The following KCTD20 variants were observed in gnomAD, a reference collection of about 807,000 sequenced individuals.
KCTD20 encodes the protein potassium channel tetramerization domain containing 20, also known as BTB/POZ domain-containing protein KCTD20.
In KCTD20, 30 loss-of-function variants were observed where a neutral mutation model predicts 39.6. That is an observed-to-expected ratio of 0.76 (90% CI 0.57 to 1.03). KCTD20 has a LOEUF of 1.03. KCTD20 is among the 50% of genes least tolerant of loss of function. The pLI, the probability that KCTD20 is intolerant of heterozygous loss-of-function variation, is 0.00. For missense variants in KCTD20, 422 were observed against 522.0 expected (o/e 0.81, Z 1.87); for synonymous variants, 162 against 180.6 (o/e 0.90, Z 0.83).
chr6:36,462,993 G>A (rs1448317471), intron 1 of KCTD20, among the ~76,000 whole-genome samples: 1 of 152,190 alleles, frequency 6.6e-6, no homozygotes, highest in African/African-American at 2.4e-5. Context: ...CTTTACCCAA[G>A]GGAGTGTGTA....
chr6:36,466,617 A>G (rs1386962436), intron 1 of KCTD20, among the ~76,000 whole-genome samples: 1 of 152,000 alleles, frequency 6.6e-6, no homozygotes, highest in Non-Finnish European at 1.5e-5. Flanking sequence ...CTCAGGCTCA[A>G]GAGATCCTCC....
intron 5 of KCTD20, 68 bp downstream of exon 5, chr6:36,479,779 A>ATTTTTT (rs58609674): frequency 4.1e-5 from 11 of 268,374 alleles, no homozygotes; most frequent in South Asian, 1.3e-4. Context: ...GAAGTCACCG[A>ATTTTTT]TTTTTTTTTT....
chr6:36,479,593 T>A lies in KCTD20; in HGVS notation c.540T>A (p.Asp180Glu). 6.2e-7 allele frequency: 1 copy of A among 1,603,988 alleles called. No individual in the cohort carries two copies. Among genetic ancestry groups the A allele is most frequent in the Non-Finnish European group, 8.5e-7 (1 of 1,177,476 alleles). Residue 180 changes from aspartate (D) to glutamate (E), a missense_variant and splice_region_variant, in exon 5 of 8, where the codon GAT becomes GAA. By Grantham distance (45) the Asp-to-Glu change is conservative. Transcript: ENST00000373731. ...TTTTCTTCCTAATCTATTTACAGGATTATTACAAAACCGGTATCATCAATT... is the reference window on the plus strand; with the variant it reads ...TTTTCTTCCTAATCTATTTACAGGAATATTACAAAACCGGTATCATCAATT... ...ISATVFRTVLDYYKTGIINCP... is the reference protein window; with the variant it reads ...ISATVFRTVLEYYKTGIINCP...
intron 1 of KCTD20, among the ~76,000 whole-genome samples, chr6:36,467,722 G>A (rs577011248): frequency 5.7e-4 from 86 of 152,122 alleles, no homozygotes; most frequent in African/African-American, 1.7e-3. Flanking sequence ...GAGTTCCATA[G>A]TACGCTCTGA....
chr6:36,463,757 G>T (rs1294376674), intron 1 of KCTD20, among the ~76,000 whole-genome samples: 2 of 152,142 alleles, frequency 1.3e-5, no homozygotes, highest in African/African-American at 4.8e-5. Context: ...GGATTTCTCA[G>T]CCTCCAGAAC....
chr6:36,467,399 C>T (rs1241594693), intron 1 of KCTD20, among the ~76,000 whole-genome samples: 2 of 109,562 alleles, frequency 1.8e-5, no homozygotes, highest in African/African-American at 7.1e-5. Flanking sequence ...AGTGCAATGG[C>T]GCCATCTCTG....
intron 1 of KCTD20, among the ~76,000 whole-genome samples, chr6:36,464,616 C>G (rs1582330760): frequency 6.6e-6 from 1 of 152,122 alleles, no homozygotes; most frequent in East Asian, 1.9e-4. Context: ...TTCCCCTCCC[C>G]CAAACTTCAT....
chr6:36,444,047 C>T (rs951726722), intron 1 of KCTD20, among the ~76,000 whole-genome samples: 1 of 152,202 alleles, frequency 6.6e-6, no homozygotes, highest in African/African-American at 2.4e-5. Context: ...AGGCCCCCAC[C>T]TGAAACCCCA....
At chr6:36,475,437 A>G (rs1776035419) in intron 3 of KCTD20, among the ~76,000 whole-genome samples, 1 of 151,830 alleles carries the variant, frequency 6.6e-6, no homozygotes, top group Admixed American at 6.6e-5. Flanking sequence ...TGACAGAGCA[A>G]GACTCCCGTC....
In KCTD20 at chr6:36,479,730, G is replaced by A; in HGVS notation, c.658+19G>A. 8 of 1,587,714 alleles carry A rather than the reference G, an allele frequency of 5.0e-6. No individual in the cohort carries two copies. Among genetic ancestry groups the A allele is most frequent in the Non-Finnish European group, 6.8e-6 (8 of 1,171,588 alleles). ...GATCTGAGTAAGTACAGGAGCAGGTGCCAGCTGCACTTAAGCAGCTGAACT... is the reference window on the plus strand; with the variant it reads ...GATCTGAGTAAGTACAGGAGCAGGTACCAGCTGCACTTAAGCAGCTGAACT... On this transcript the variant is annotated intron_variant, in intron 5 of 7. Transcript: ENST00000373731.
intron 1 of KCTD20, among the ~76,000 whole-genome samples, chr6:36,458,969 A>G (rs1775521760): frequency 6.6e-6 from 1 of 151,846 alleles, no homozygotes; most frequent in Non-Finnish European, 1.5e-5. Flanking sequence ...TATACTGACC[A>G]CTATACTAAT....
At chr6:36,449,925 G>A (rs1028510423) in intron 1 of KCTD20, among the ~76,000 whole-genome samples, 1 of 152,152 alleles carries the variant, frequency 6.6e-6, no homozygotes, top group Non-Finnish European at 1.5e-5. Context: ...AGCACTTTGG[G>A]AGGCTGAGGC....
rs1776436487 is a variant in KCTD20, at chr6:36,486,834, A to G, written c.968-49A>G. On this transcript the variant is annotated intron_variant, in intron 7 of 7. Transcript: ENST00000373731. ...TTAGGAAGGAGAAAGTATGGACACC[A>G]GAGTGAGCACAATTTGTTAGTCATG... is the stretch of plus-strand genomic sequence containing the variant. The G allele has an allele frequency of 2.7e-6, 4 of 1,457,366 alleles. No individual in the cohort carries two copies. In the South Asian group the frequency reaches 4.9e-5, roughly 18 times the overall value. The allele number at this position is 1,457,366 out of a possible 1,614,324, so 90.3% of individuals were successfully genotyped here. A position where few individuals can be genotyped will look rare whatever the true frequency, so the allele number is the denominator to read the frequency against.
chr6:36,458,905 T>C (rs1478253041), intron 1 of KCTD20, among the ~76,000 whole-genome samples: 1 of 151,994 alleles, frequency 6.6e-6, no homozygotes, highest in Non-Finnish European at 1.5e-5. Context: ...CTTGGGAGGC[T>C]GAAGTGGGAG....
chr6:36,482,076 A>G (rs1391458575), intron 6 of KCTD20, among the ~76,000 whole-genome samples: 1 of 152,148 alleles, frequency 6.6e-6, no homozygotes. Context: ...AAAAAACATA[A>G]AAGGATATAC....
chr6:36,472,103 C>G (rs905021480), intron 2 of KCTD20, among the ~76,000 whole-genome samples: 3 of 152,188 alleles, frequency 2.0e-5, no homozygotes, highest in Non-Finnish European at 4.4e-5. Context: ...CCGCCTCGGC[C>G]TTCCAAAGTG....
chr6:36,454,373 G>A (rs1045974630), intron 1 of KCTD20, among the ~76,000 whole-genome samples: 11 of 147,214 alleles, frequency 7.5e-5, no homozygotes, highest in Non-Finnish European at 1.5e-4. Flanking sequence ...ATGGAGTCTC[G>A]CTCTGTCGCC....
intron 6 of KCTD20, among the ~76,000 whole-genome samples, chr6:36,484,046 TC>T (rs1776344338): frequency 6.6e-6 from 1 of 151,748 alleles, no homozygotes; most frequent in South Asian, 2.1e-4. Flanking sequence ...TTCAAGTGCT[TC>T]TCCTGCCTCA....
chr6:36,465,633 C>T (rs1035218190), intron 1 of KCTD20: 2 of 152,050 alleles, frequency 1.3e-5, no homozygotes, highest in East Asian at 3.9e-4. Flanking sequence ...ATTCCACTAT[C>T]AAAGACTGTA....
Sources: allele counts gnomAD v4.1 joint callset (sites outside exome capture counted in the v4.1 genomes callset), GRCh38; gene constraint gnomAD v4.1.1; transcripts MANE v1.5; gene names NCBI Gene and HGNC (gene_info 2026-07-23, HGNC 2026-07-21).